TRAF3IP1: variants seen among roughly 807,000 people sequenced by gnomAD.
TRAF3IP1 encodes intraflagellar transport 54.
A neutral mutation model predicts 89.9 loss-of-function variants in TRAF3IP1; 53 were observed. The ratio of observed to expected loss-of-function variants is 0.59; its 90% confidence interval spans 0.47 to 0.74. The LOEUF (loss-of-function observed/expected upper bound fraction) is 0.74. TRAF3IP1 is among the 30% of genes least tolerant of loss of function. The pLI is 0.00. For synonymous variants in TRAF3IP1, 311 were observed against 322.1 expected, an observed-to-expected ratio of 0.97 and a Z score of 0.37; for missense variants, 806 against 866.1, an observed-to-expected ratio of 0.93 and a Z score of 0.87.
intron 15 of TRAF3IP1, among the ~76,000 whole-genome samples, chr2:238,390,639 G>T (rs1192761595): frequency 6.6e-6 from 1 of 152,104 alleles, no homozygotes; most frequent in Admixed American, 6.5e-5. Context: ...CTTCTTTCTG[G>T]GGAATAAATT....
rs774569036 is a variant in TRAF3IP1, at chr2:238,332,877, C to T, written c.969C>T (p.Asp323=). 6.2e-7 allele frequency: 1 copy of T among 1,611,928 alleles called. No homozygotes were observed. The highest frequency in any genetic ancestry group is 8.5e-7 in the Non-Finnish European group (1 of 1,178,672). ...AGTTATCAGATGGAACTTTTAAAGACTCCAAGGCTGAAACAGAGGTAAACT... is the reference window on the plus strand; with the variant it reads ...AGTTATCAGATGGAACTTTTAAAGATTCCAAGGCTGAAACAGAGGTAAACT... The part of the protein sequence containing the change: ...SKKLSDGTFK[D]SKAETETEIS... The change falls in exon 6 of 17, where the codon GAC becomes GAT. Residue 323 remains aspartate, a synonymous_variant. Coordinates refer to ENST00000373327, the MANE Select transcript of TRAF3IP1 (RefSeq NM_015650.4).
intron 9 of TRAF3IP1, among the ~76,000 whole-genome samples, chr2:238,346,742 T>C (rs1463839985): frequency 6.6e-6 from 1 of 152,190 alleles, no homozygotes; most frequent in East Asian, 1.9e-4. Context: ...TGCCGTATAG[T>C]GTGCTGGGCT....
At chr2:238,342,728 C>T (rs1207861040) in intron 8 of TRAF3IP1, among the ~76,000 whole-genome samples, 2 of 151,724 alleles carry the variant, frequency 1.3e-5, no homozygotes, top group Non-Finnish European at 1.5e-5. Context: ...CATGTTTATT[C>T]TCTGGTTACC....
At chr2:238,386,858 G>T (rs935832559) in intron 15 of TRAF3IP1, among the ~76,000 whole-genome samples, 7 of 152,246 alleles carry the variant, frequency 4.6e-5, no homozygotes, top group Middle Eastern at 3.4e-3. Context: ...TTCTAAGAGG[G>T]TTTCTCATTC....
rs1166362193 is a variant in TRAF3IP1 at position 238,398,677 on chromosome 2, C to G, written c.1911-77C>G. 5.0e-5 allele frequency: 68 copies of G among 1,372,286 alleles called. 2 individuals carry two copies. Among genetic ancestry groups the G allele is most frequent in the Non-Finnish European group, 6.1e-5 (63 of 1,036,378 alleles). 85.0% of individuals were successfully genotyped at this position (1,372,286 alleles called of 1,614,324 possible). A position where few individuals can be genotyped will look rare whatever the true frequency, so the allele number is the denominator to read the frequency against. On this transcript the variant is annotated intron_variant, in intron 16 of 16. Transcript: ENST00000373327. ...GAAACGAATAATTTACTTCTGTTGT[C>G]TTTCAATGTCTTAATTAAGAAGCCA...
rs183924533 is a variant in TRAF3IP1 at position 238,347,209 on chromosome 2, T to C, written c.1262-246T>C. The C allele has an allele frequency of 8.0e-6, 4 of 500,342 alleles. No homozygotes were observed. The East Asian group carries it at 1.4e-4, about 17-fold the overall frequency. 31.0% of individuals were successfully genotyped at this position (500,342 alleles called of 1,614,324 possible). A position where few individuals can be genotyped will look rare whatever the true frequency, so the allele number is the denominator to read the frequency against. ...CCGATGTGCTTTCTCCACATCCCTGTGTCCTGTTTCTATTTAGTACCATTT... is the reference window on the plus strand; with the variant it reads ...CCGATGTGCTTTCTCCACATCCCTGCGTCCTGTTTCTATTTAGTACCATTT... On this transcript the variant is annotated intron_variant, in intron 9 of 16. Transcript: ENST00000373327.
At chr2:238,366,119 C>G (rs1008642451) in intron 15 of TRAF3IP1, among the ~76,000 whole-genome samples, 1 of 152,132 alleles carries the variant, frequency 6.6e-6, no homozygotes, top group African/African-American at 2.4e-5. Flanking sequence ...GTAGTCCCAG[C>G]TACTCGGGAG....
rs968288036 is a variant in TRAF3IP1 at position 238,356,098 on chromosome 2, A to G, written c.1689+18A>G. 1 of 1,586,866 alleles carries G rather than the reference A, an allele frequency of 6.3e-7. No individual in the cohort carries two copies. Among genetic ancestry groups the G allele is most frequent in the Non-Finnish European group, 8.7e-7 (1 of 1,155,786 alleles). On this transcript the variant is annotated intron_variant, in intron 15 of 16. Coordinates refer to ENST00000373327, the MANE Select transcript of TRAF3IP1 (RefSeq NM_015650.4). ...GGGAGAAGGTAATGGAATGATTTCC[A>G]TAAACACTGGCATTTTAGCAGTCTG...
rs4663892 is a variant in TRAF3IP1 at position 238,400,558 on chromosome 2, C to G, written c.*1639C>G. ...CATTCTGAAACGCTGGTCTTTTTCT[C>G]CTTCCTATAGTGCACCATAAAATTC... On this transcript the variant is annotated 3_prime_UTR_variant, in exon 17 of 17. Coordinates refer to ENST00000373327, the MANE Select transcript of TRAF3IP1 (RefSeq NM_015650.4). The G allele has an allele frequency of 4.6e-5, 7 of 152,342 alleles. 1 individual carries two copies. The highest frequency in any genetic ancestry group is 2.6e-4 in the Admixed American group (4 of 15,304). The allele number at this position is 152,342 out of a possible 1,614,324, so 9.4% of individuals were successfully genotyped here. A position where few individuals can be genotyped will look rare whatever the true frequency, so the allele number is the denominator to read the frequency against.
rs1044633376 is a variant in TRAF3IP1 at position 238,354,319 on chromosome 2, A to C, written c.1612+1110A>C. Among the ~76,000 whole-genome samples, 4 of 152,196 alleles carry C rather than the reference A, an allele frequency of 2.6e-5. No homozygotes were observed. The South Asian group carries it at 8.3e-4, about 32-fold the overall frequency. On this transcript the variant is annotated intron_variant, in intron 14 of 16. Transcript: ENST00000373327. ...ATTTCTCCAAGGCACCTGGCCGCTT[A>C]CTGCTCTGGGTTGCTTCTTGTTTCC...
chr2:238,323,863 A>G (rs1259912991), intron 1 of TRAF3IP1, among the ~76,000 whole-genome samples: 3 of 152,216 alleles, frequency 2.0e-5, no homozygotes, highest in African/African-American at 7.2e-5. Context: ...TGAGAGGAAC[A>G]GGAAAAATAA....
In TRAF3IP1 at chr2:238,379,438, C is replaced by A. The variant is rs1700455502; in HGVS notation, c.1690-18021C>A. 6.6e-6 allele frequency among the ~76,000 whole-genome samples: 1 copy of A among 152,240 alleles called. No homozygotes were observed. The highest frequency in any genetic ancestry group is 2.4e-5 in the African/African-American group (1 of 41,462). ...GCTTCAGCAGAACTCCTTATTCTGTCTGCCTTGGCAGCCACAGACACCTGC... is the reference window on the plus strand; with the variant it reads ...GCTTCAGCAGAACTCCTTATTCTGTATGCCTTGGCAGCCACAGACACCTGC... On this transcript the variant is annotated intron_variant, in intron 15 of 16. Coordinates refer to ENST00000373327, the MANE Select transcript of TRAF3IP1 (RefSeq NM_015650.4). The surrounding 1 kb of genome is among the most constrained non-coding windows in gnomAD (Gnocchi z 4.0).
At chr2:238,397,214 A>G (rs1701264587) in intron 15 of TRAF3IP1, among the ~76,000 whole-genome samples, 2 of 152,144 alleles carry the variant, frequency 1.3e-5, no homozygotes, top group Non-Finnish European at 2.9e-5. Flanking sequence ...CCCCATCCCC[A>G]TTGAGCAGGG....
chr2:238,335,293 T>C (rs144610680), intron 7 of TRAF3IP1, among the ~76,000 whole-genome samples: 3 of 152,296 alleles, frequency 2.0e-5, no homozygotes, highest in African/African-American at 7.2e-5. Flanking sequence ...ATGTTATCTC[T>C]TACTTTAATT....
intron 5 of TRAF3IP1, among the ~76,000 whole-genome samples, chr2:238,330,746 T>TG (rs1158780849): frequency 6.6e-6 from 1 of 152,148 alleles, no homozygotes; most frequent in African/African-American, 2.4e-5. Context: ...CACAGTGGGA[T>TG]GGGGGGTGCC....
chr2:238,347,788 C>T (rs372182288), intron 10 of TRAF3IP1, among the ~76,000 whole-genome samples: 9 of 151,940 alleles, frequency 5.9e-5, no homozygotes, highest in Non-Finnish European at 8.8e-5. Flanking sequence ...CCACCACGCC[C>T]GGCTAATTTT....
chr2:238,392,737 C>T (rs541603859), intron 15 of TRAF3IP1, among the ~76,000 whole-genome samples: 81 of 152,244 alleles, frequency 5.3e-4, no homozygotes, highest in African/African-American at 1.9e-3. Flanking sequence ...CCACCGCGCC[C>T]AGCTAACTTT....
intron 3 of TRAF3IP1, among the ~76,000 whole-genome samples, chr2:238,326,993 C>T (rs1167550764): frequency 6.6e-6 from 1 of 152,190 alleles, no homozygotes; most frequent in East Asian, 1.9e-4. Context: ...CTCCTGTCTC[C>T]TCTGCTGAAT....
intron 15 of TRAF3IP1, among the ~76,000 whole-genome samples, chr2:238,364,114 A>G (rs1574943932): frequency 2.0e-5 from 3 of 152,200 alleles, no homozygotes; most frequent in South Asian, 2.1e-4. Flanking sequence ...TGCTTTTCAC[A>G]TAAATTGTGG....
Sources: allele counts gnomAD v4.1 joint callset (sites outside exome capture counted in the v4.1 genomes callset), GRCh38; gene constraint gnomAD v4.1.1; non-coding constraint Gnocchi (gnomAD v3.1); transcripts MANE v1.5; gene names NCBI Gene and HGNC (gene_info 2026-07-23, HGNC 2026-07-21).